IKBKB: variants seen among roughly 807,000 people sequenced by gnomAD.
The protein encoded by IKBKB is inhibitor of nuclear factor kappa B kinase subunit beta.
A neutral mutation model predicts 113.6 loss-of-function variants in IKBKB; 42 were observed. The observed-to-expected ratio is 0.37, with a 90% CI of 0.29 to 0.48. The LOEUF is 0.48. Ranked by LOEUF, IKBKB falls within the 20% of genes least tolerant of loss-of-function variation. IKBKB has a pLI of 0.99. For missense variants in IKBKB, 673 were observed against 939.7 expected, an observed-to-expected ratio of 0.72 and a Z score of 3.71; for synonymous variants, 296 against 361.3, an observed-to-expected ratio of 0.82 and a Z score of 2.05.
intron 5 of IKBKB, among the ~76,000 whole-genome samples, chr8:42,304,497 G>C (rs1433880753): frequency 6.6e-6 from 1 of 152,148 alleles, no homozygotes; most frequent in African/African-American, 2.4e-5. Flanking sequence ...CTTCCAACTA[G>C]ATTCTGAGCT....
chr8:42,292,508 A>T (rs1315840103), intron 4 of IKBKB, among the ~76,000 whole-genome samples: 1 of 152,174 alleles, frequency 6.6e-6, no homozygotes, highest in Admixed American at 6.5e-5. Flanking sequence ...GTTCCCTCTA[A>T]AAAGTTCAAA....
chr8:42,271,586 G>T (rs1585481321), intron 1 of IKBKB, 117 bp downstream of exon 1: 1 of 557,570 alleles, frequency 1.8e-6, no homozygotes, highest in Admixed American at 3.6e-5. Context: ...GCGGACTGGG[G>T]AGCGTTTCAC....
intron 19 of IKBKB, 146 bp downstream of exon 19, chr8:42,322,640 T>C: frequency 1.3e-6 from 1 of 794,628 alleles, no homozygotes; most frequent in Non-Finnish European, 2.0e-6. Context: ...TCGCTGTTCT[T>C]TGACTTGGTG....
chr8:42,303,492 CA>C (rs1815855374), intron 5 of IKBKB, among the ~76,000 whole-genome samples: 1 of 151,774 alleles, frequency 6.6e-6, no homozygotes, highest in African/African-American at 2.4e-5. Context: ...ATTCTTTGCC[CA>C]TTTTTCTTTT....
chr8:42,304,225 T>C (rs1018987254), intron 5 of IKBKB, among the ~76,000 whole-genome samples: 4 of 152,248 alleles, frequency 2.6e-5, no homozygotes, highest in African/African-American at 9.6e-5. Flanking sequence ...TCCAAATCTA[T>C]CTCCATCTCT....
At chr8:42,301,779 A>G (rs528816693) in intron 5 of IKBKB, among the ~76,000 whole-genome samples, 14 of 152,312 alleles carry the variant, frequency 9.2e-5, no homozygotes, top group Non-Finnish European at 2.1e-4. Flanking sequence ...ACTCTAATCC[A>G]CGTGGCGTAG....
intron 2 of IKBKB, among the ~76,000 whole-genome samples, chr8:42,282,115 A>G (rs1005692181): frequency 6.6e-6 from 1 of 152,210 alleles, no homozygotes; most frequent in Non-Finnish European, 1.5e-5. Flanking sequence ...TAATCACTAC[A>G]TTCAATCTGG....
intron 8 of IKBKB, among the ~76,000 whole-genome samples, chr8:42,313,051 C>G (rs150048875): frequency 6.6e-6 from 1 of 152,124 alleles, no homozygotes. Context: ...GGGCCTGTCA[C>G]GGCAATAAGT....
At chr8:42,282,574 G>A (rs928975536) in intron 2 of IKBKB, among the ~76,000 whole-genome samples, 5 of 152,134 alleles carry the variant, frequency 3.3e-5, no homozygotes, top group Admixed American at 6.6e-5. Flanking sequence ...CTGAGATGGC[G>A]CAGGCCTAGT....
intron 5 of IKBKB, among the ~76,000 whole-genome samples, chr8:42,295,563 A>G (rs1813602059): frequency 6.6e-6 from 1 of 152,200 alleles, no homozygotes; most frequent in Admixed American, 6.5e-5. Flanking sequence ...CATCTCTACC[A>G]AAAACACAAA....
intron 1 of IKBKB, 82 bp from the exon 2 acceptor site, chr8:42,272,001 G>T (rs1447065266): frequency 1.7e-5 from 22 of 1,321,348 alleles, no homozygotes; most frequent in Non-Finnish European, 2.1e-5. Flanking sequence ...AAGAGCAGTG[G>T]TATCTCTTGC....
At chr8:42,276,118 G>A (rs551120182) in intron 2 of IKBKB, among the ~76,000 whole-genome samples, 62 of 152,310 alleles carry the variant, frequency 4.1e-4, no homozygotes, top group Non-Finnish European at 7.1e-4. Flanking sequence ...TGAAATTACA[G>A]GTGTGAGCCA....
In IKBKB at chr8:42,278,531, C is replaced by T. The variant is rs192930901; in HGVS notation, c.105+6326C>T. Among the ~76,000 whole-genome samples the T allele has an allele frequency of 6.6e-3, 1,011 of 152,284 alleles. 9 individuals are homozygous for T. Among genetic ancestry groups the T allele is most frequent in the Middle Eastern group, 0.027 (8 of 294 alleles). ...TAGCTACTCCCACCAGGGCTGACTTCAAGCCACCAGTAGTTTAATAGCCCG... is the reference window on the plus strand; with the variant it reads ...TAGCTACTCCCACCAGGGCTGACTTTAAGCCACCAGTAGTTTAATAGCCCG... On this transcript the variant is annotated intron_variant, in intron 2 of 21. Transcript: ENST00000520810.
chr8:42,312,764 C>T (rs1346868758), intron 8 of IKBKB, among the ~76,000 whole-genome samples: 4 of 152,236 alleles, frequency 2.6e-5, no homozygotes, highest in Non-Finnish European at 4.4e-5. Flanking sequence ...GCCTCTGCCA[C>T]GCACCGGCTC....
chr8:42,294,059 G>A (rs760581967), intron 5 of IKBKB, among the ~76,000 whole-genome samples: 4 of 152,208 alleles, frequency 2.6e-5, no homozygotes, highest in Non-Finnish European at 5.9e-5. Flanking sequence ...CTAGACCCTG[G>A]CGCTCACTCA....
chr8:42,305,353 G>T, intron 6 of IKBKB, 78 bp downstream of exon 6: 1 of 813,400 alleles, frequency 1.2e-6, no homozygotes, highest in East Asian at 2.5e-5. Context: ...AGCACACTCT[G>T]CATATTTGTG....
Position 42,302,751 on chromosome 8 carries a change from A to G in IKBKB, c.389-2436A>G, listed in dbSNP as rs1815495738. Among the ~76,000 whole-genome samples the G allele has an allele frequency of 2.1e-5, 3 of 141,660 alleles. No homozygotes were observed. The South Asian group carries it at 6.5e-4, about 31-fold the overall frequency. The allele number at this position is 141,660 out of a possible 152,430, so 92.9% of individuals were successfully genotyped here. On this transcript the variant is annotated intron_variant, in intron 5 of 21. Coordinates refer to ENST00000520810, the MANE Select transcript of IKBKB (RefSeq NM_001556.3). ...AGCTTGGGTTCATTAGGAATATGCC[A>G]GTATTCCAAAATCCAAAAAAAAAAA...
At position 42,271,429 on chromosome 8, in the gene IKBKB, C is replaced by A; in HGVS notation, c.-59C>A. ...GGCCGCCCCAGCCCCGCCTTCCCCG[C>A]CCCGGGGAGCCCGCCCCCTGCCCCG... On this transcript the variant is annotated 5_prime_UTR_variant, in exon 1 of 22. Transcript: ENST00000520810. The A allele has an allele frequency of 6.8e-7, 1 of 1,470,030 alleles. No individual in the cohort carries two copies. Among genetic ancestry groups the A allele is most frequent in the Non-Finnish European group, 9.2e-7 (1 of 1,090,724 alleles). 91.1% of individuals were successfully genotyped at this position (1,470,030 alleles called of 1,614,324 possible). A position where few individuals can be genotyped will look rare whatever the true frequency, so the allele number is the denominator to read the frequency against.
rs111325607 is a variant in IKBKB at position 42,280,256 on chromosome 8, A to G, written c.105+8051A>G. 4.2e-4 allele frequency among the ~76,000 whole-genome samples: 64 copies of G among 152,208 alleles called. 2 individuals carry two copies. Among genetic ancestry groups the G allele is most frequent in the African/African-American group, 1.4e-3 (58 of 41,530 alleles). On this transcript the variant is annotated intron_variant, in intron 2 of 21. Transcript: ENST00000520810. Reference sequence around the variant, plus strand: ...GGAGGGCAGTGAACAAGCGAGCCCCACCACAACCTGCTTCCCCTGTTCTTG... The same window carrying G: ...GGAGGGCAGTGAACAAGCGAGCCCCGCCACAACCTGCTTCCCCTGTTCTTG...
Sources: allele counts gnomAD v4.1 joint callset (sites outside exome capture counted in the v4.1 genomes callset), GRCh38; gene constraint gnomAD v4.1.1; transcripts MANE v1.5; gene names NCBI Gene and HGNC (gene_info 2026-07-23, HGNC 2026-07-21).